Variants in CCDC83 observed in about 807,000 individuals in gnomAD.
CCDC83 encodes the protein coiled-coil domain-containing protein 83.
CCDC83 carries 54 observed loss-of-function variants against 50.1 expected under a neutral mutation model. That is an observed-to-expected ratio of 1.08 (90% CI 0.87 to 1.35). The LOEUF is 1.35. CCDC83 is among the 40% of genes most tolerant of loss of function. CCDC83 has a pLI of 0.00. For missense variants in CCDC83, 518 were observed against 473.9 expected, an observed-to-expected ratio of 1.09 and a Z score of -0.86; for synonymous variants, 161 against 153.3, an observed-to-expected ratio of 1.05 and a Z score of -0.37.
chr11:85,893,522 G>T (rs544942834), intron 5 of CCDC83, among the ~76,000 whole-genome samples: 2 of 152,314 alleles, frequency 1.3e-5, no homozygotes, highest in South Asian at 2.1e-4. Flanking sequence ...TAAGTCAGGG[G>T]TTCCCCAACC....
Position 85,904,628 on chromosome 11 carries a change from G to A in CCDC83, c.672+5613G>A, listed in dbSNP as rs147261810. On this transcript the variant is annotated intron_variant, in intron 7 of 10. Transcript: ENST00000342404. The stretch of plus-strand genomic sequence containing the variant: ...TCAGCACAAACTGATGTGTGTCCTC[G>A]TCTCTGGAACTACATTTTTTTTCCC... 5.4e-3 allele frequency among the ~76,000 whole-genome samples: 829 copies of A among 152,224 alleles called. 8 individuals are homozygous for A. Among genetic ancestry groups the A allele is most frequent in the Non-Finnish European group, 5.3e-3 (361 of 68,022 alleles).
chr11:85,913,097 A>C (rs2093462394), intron 8 of CCDC83, among the ~76,000 whole-genome samples: 1 of 152,158 alleles, frequency 6.6e-6, no homozygotes, highest in Admixed American at 6.5e-5. Context: ...TCAGTGCTTT[A>C]GGGGCTGGTT....
At chr11:85,882,737 A>C in intron 4 of CCDC83, 62 bp downstream of exon 4, 1 of 1,432,280 alleles carries the variant, frequency 7.0e-7, no homozygotes, top group Non-Finnish European at 9.7e-7. Context: ...GAATATATTA[A>C]TGCTTTATTC....
intron 5 of CCDC83, among the ~76,000 whole-genome samples, chr11:85,890,362 G>T (rs969316776): frequency 2.0e-5 from 3 of 152,202 alleles, no homozygotes; most frequent in African/African-American, 7.2e-5. Context: ...GAACAGTCAT[G>T]TGAAATCTTG....
chr11:85,902,627 C>T (rs1028442167), intron 7 of CCDC83, among the ~76,000 whole-genome samples: 8 of 152,142 alleles, frequency 5.3e-5, no homozygotes, highest in Non-Finnish European at 1.2e-4. Context: ...AAAACTGCCT[C>T]CTCTTCTACT....
chr11:85,876,825 T>C (rs1183137799), intron 3 of CCDC83, among the ~76,000 whole-genome samples: 1 of 152,156 alleles, frequency 6.6e-6, no homozygotes, highest in Admixed American at 6.5e-5. Flanking sequence ...TTCTTATGAG[T>C]CTTAAAAAGT....
At chr11:85,859,064 A>C (rs1408744488) in intron 1 of CCDC83, among the ~76,000 whole-genome samples, 1 of 151,608 alleles carries the variant, frequency 6.6e-6, no homozygotes, top group South Asian at 2.1e-4. Flanking sequence ...TCCTATCACA[A>C]CCCTGGGTCA....
At chr11:85,898,441 T>A (rs1212851100) in intron 6 of CCDC83, among the ~76,000 whole-genome samples, 2 of 152,208 alleles carry the variant, frequency 1.3e-5, no homozygotes, top group Non-Finnish European at 2.9e-5. Flanking sequence ...GTCTTCTTTG[T>A]CTAAAATGCC....
At chr11:85,909,575 C>G (rs2093442706) in intron 7 of CCDC83, among the ~76,000 whole-genome samples, 1 of 143,592 alleles carries the variant, frequency 7.0e-6, no homozygotes, top group Non-Finnish European at 1.5e-5. Flanking sequence ...TTCCCACTAT[C>G]AAGCCCTCTT....
chr11:85,902,120 AT>A (rs1253026412), intron 7 of CCDC83, among the ~76,000 whole-genome samples: 1 of 146,016 alleles, frequency 6.8e-6, no homozygotes, highest in African/African-American at 2.5e-5. Flanking sequence ...AAGGACATGA[AT>A]TTTCAGAACA....
intron 7 of CCDC83, among the ~76,000 whole-genome samples, chr11:85,902,979 C>G (rs1432306164): frequency 6.6e-6 from 1 of 152,130 alleles, no homozygotes; most frequent in Non-Finnish European, 1.5e-5. Flanking sequence ...TGCCTGTAAT[C>G]CCAACACTTT....
intron 5 of CCDC83, among the ~76,000 whole-genome samples, chr11:85,889,474 G>A (rs1025039883): frequency 6.6e-6 from 1 of 152,240 alleles, no homozygotes; most frequent in East Asian, 1.9e-4. Context: ...GCCATGGGGC[G>A]CAGCCATAAG....
intron 4 of CCDC83, 131 bp downstream of exon 4, chr11:85,882,806 C>A: frequency 2.6e-6 from 2 of 783,996 alleles, no homozygotes; most frequent in South Asian, 1.8e-5. Flanking sequence ...ACCACCGCAG[C>A]CACAAACACA....
intron 7 of CCDC83, among the ~76,000 whole-genome samples, chr11:85,908,097 A>C (rs1421348424): frequency 6.6e-6 from 1 of 152,180 alleles, no homozygotes; most frequent in Non-Finnish European, 1.5e-5. Flanking sequence ...CTGGACTTAA[A>C]CGGTTTTACT....
chr11:85,873,414 G>C, intron 3 of CCDC83, 119 bp downstream of exon 3: 1 of 464,662 alleles, frequency 2.2e-6, no homozygotes, highest in Non-Finnish European at 3.9e-6. Context: ...GCTTGGAATT[G>C]ATTGATTTAC....
chr11:85,867,895 G>A (rs1277298376), intron 2 of CCDC83, among the ~76,000 whole-genome samples: 2 of 152,212 alleles, frequency 1.3e-5, no homozygotes, highest in Admixed American at 6.5e-5. Flanking sequence ...GAACAGCCAA[G>A]GCCTTGCTGT....
chr11:85,882,286 A>G (rs1759791439), intron 3 of CCDC83, among the ~76,000 whole-genome samples: 1 of 152,150 alleles, frequency 6.6e-6, no homozygotes, highest in African/African-American at 2.4e-5. Flanking sequence ...TAATGTCATA[A>G]GACTCTAGAT....
At chr11:85,879,927 T>C (rs1294609335) in intron 3 of CCDC83, among the ~76,000 whole-genome samples, 1 of 152,220 alleles carries the variant, frequency 6.6e-6, no homozygotes, top group Non-Finnish European at 1.5e-5. Flanking sequence ...TGTGTGCGTC[T>C]GTTTCTGAGT....
In CCDC83 at chr11:85,882,448, C is replaced by G. The variant is rs536059486; in HGVS notation, c.181-65C>G. On this transcript the variant is annotated intron_variant, in intron 3 of 10. Coordinates refer to ENST00000342404, the MANE Select transcript of CCDC83 (RefSeq NM_001286159.2). ...CCCAAAGGCCGGGAACTTCTTGACT[C>G]TATTTTGAGGAAACATAGTGTACAT... The G allele has an allele frequency of 5.3e-6, 8 of 1,516,936 alleles. No homozygotes were observed. In the East Asian group the frequency reaches 1.4e-4, roughly 26 times the overall value. The allele number at this position is 1,516,936 out of a possible 1,614,324, so 94.0% of individuals were successfully genotyped here.
Sources: gnomAD v4.1 joint callset for allele counts (sites outside exome capture counted in the v4.1 genomes callset) on GRCh38, gnomAD v4.1.1 for gene constraint, MANE v1.5 for transcripts, NCBI Gene and HGNC (gene_info 2026-07-23, HGNC 2026-07-21) for gene names.